Variants in DNAH9 observed in about 807,000 individuals in gnomAD.
DNAH9 encodes dynein axonemal heavy chain 9.
In DNAH9, 345 loss-of-function variants were observed where a neutral mutation model predicts 471.6. The observed-to-expected ratio is 0.73, with a 90% CI of 0.67 to 0.80. The LOEUF is 0.80. Among genes scored for constraint, DNAH9 ranks in the 30% least tolerant of loss-of-function variants. The probability of loss-of-function intolerance (pLI) is 0.00; values close to 1 mark genes in which losing one functional copy is unlikely to be tolerated. For synonymous variants in DNAH9, 2,093 were observed against 2,123.6 expected (o/e 0.99, Z 0.40); for missense variants, 5,407 against 5,609.2 (o/e 0.96, Z 1.15).
chr17:11,669,681 G>A lies in DNAH9; in HGVS notation c.3240G>A (p.Val1080=). The change falls in exon 17 of 69, where the codon GTG becomes GTA. Residue 1080 remains valine, a synonymous_variant. Coordinates refer to ENST00000262442, the MANE Select transcript of DNAH9 (RefSeq NM_001372.4). ...EEVCRLEPIK[V]FDGWMKIDIR... The stretch of plus-strand genomic sequence containing the variant: ...TGTGCAGGCTGGAACCCATCAAGGT[G>A]TTTGACGGCTGGATGAAAATTGATA... 1.2e-6 allele frequency: 2 copies of A among 1,614,128 alleles called. No individual in the cohort carries two copies. The highest frequency in any genetic ancestry group is 1.7e-6 in the Non-Finnish European group (2 of 1,179,996).
intron 61 of DNAH9, among the ~76,000 whole-genome samples, chr17:11,921,194 G>A (rs986461389): frequency 2.0e-5 from 3 of 151,564 alleles, no homozygotes; most frequent in Admixed American, 2.0e-4. Context: ...AGTAAGGTGA[G>A]ATCATGCCAC....
At chr17:11,882,220 G>A (rs748613517) in intron 55 of DNAH9, among the ~76,000 whole-genome samples, 3 of 152,108 alleles carry the variant, frequency 2.0e-5, no homozygotes, top group Non-Finnish European at 2.9e-5. Context: ...TGGAGGCAGC[G>A]GCCTTCTCAC....
At chr17:11,756,386 A>G (rs1967388641) in intron 33 of DNAH9, among the ~76,000 whole-genome samples, 182 bp from the exon 34 acceptor site, 1 of 152,152 alleles carries the variant, frequency 6.6e-6, no homozygotes, top group Non-Finnish European at 1.5e-5. Context: ...CCCTCCCACA[A>G]CACATGGGAA....
intron 19 of DNAH9, among the ~76,000 whole-genome samples, chr17:11,684,583 C>T (rs1389724203): frequency 6.6e-6 from 1 of 152,152 alleles, no homozygotes; most frequent in Non-Finnish European, 1.5e-5. Flanking sequence ...AGAAACGTCA[C>T]CATGACATAT....
intron 1 of DNAH9, among the ~76,000 whole-genome samples, chr17:11,600,721 A>C (rs954643419): frequency 6.6e-6 from 1 of 152,142 alleles, no homozygotes; most frequent in African/African-American, 2.4e-5. Flanking sequence ...GACTCAAGTG[A>C]TCCTCCTGCC....
At chr17:11,803,024 T>C (rs151304271) in intron 43 of DNAH9, among the ~76,000 whole-genome samples, 1 of 152,340 alleles carries the variant, frequency 6.6e-6, no homozygotes, top group East Asian at 1.9e-4. Flanking sequence ...GAAATTAGGA[T>C]ATTAAGAATG....
rs1198976575 is a variant in DNAH9 at position 11,962,699 on chromosome 17, T to C, written c.13233+443T>C. ...ATCTCTGCTGCTGCTGCTGTGTGTC[T>C]GTCGCCCAGGCTGGAGTACAGTGGC... On this transcript the variant is annotated intron_variant, in intron 68 of 68. Coordinates refer to ENST00000262442, the MANE Select transcript of DNAH9 (RefSeq NM_001372.4). The surrounding 1 kb of genome is among the most constrained non-coding windows in gnomAD (Gnocchi z 4.1). Among the ~76,000 whole-genome samples the C allele has an allele frequency of 6.6e-6, 1 of 151,620 alleles. No individual in the cohort carries two copies. Among genetic ancestry groups the C allele is most frequent in the Non-Finnish European group, 1.5e-5 (1 of 68,040 alleles).
chr17:11,821,717 A>G (rs927242954), intron 45 of DNAH9, among the ~76,000 whole-genome samples: 12 of 152,152 alleles, frequency 7.9e-5, no homozygotes, highest in Admixed American at 3.3e-4. Context: ...GGTACCCTAC[A>G]CTCTGTTCCA....
Position 11,598,900 on chromosome 17 carries a change from C to T in DNAH9, c.402C>T (p.Ala134=). 4 of 1,529,530 alleles carry T rather than the reference C, an allele frequency of 2.6e-6. No homozygotes were observed. Among genetic ancestry groups the T allele is most frequent in the Non-Finnish European group, 1.7e-6 (2 of 1,144,308 alleles). 94.7% of individuals were successfully genotyped at this position (1,529,530 alleles called of 1,614,324 possible). ...CCGCGGCACCTCTGGAGCACCTAGC[C>T]GCGCTGTTCTCGGAGGTGAGGGTGG... ...DLPAAPLEHL[A]ALFSEVVLPV... is the part of the protein sequence containing the mutation. The change falls in exon 1 of 69, where the codon GCC becomes GCT. Residue 134 remains alanine, a synonymous_variant. Coordinates refer to ENST00000262442, the MANE Select transcript of DNAH9 (RefSeq NM_001372.4).
At chr17:11,787,479 G>T (rs1200913484) in intron 41 of DNAH9, among the ~76,000 whole-genome samples, 1 of 152,204 alleles carries the variant, frequency 6.6e-6, no homozygotes, top group Non-Finnish European at 1.5e-5. Context: ...TCTGACCAAA[G>T]GCCTGATTGA....
intron 38 of DNAH9, among the ~76,000 whole-genome samples, chr17:11,770,737 C>T (rs187131546): frequency 1.3e-5 from 2 of 152,344 alleles, no homozygotes; most frequent in Admixed American, 1.3e-4. Flanking sequence ...CTGAAGGAAT[C>T]GTTCTTCCAT....
At chr17:11,602,109 A>ATT (rs367956951) in intron 1 of DNAH9, among the ~76,000 whole-genome samples, 6,676 of 150,124 alleles carry the variant, frequency 0.044, 190 homozygotes, top group Middle Eastern at 0.12. Context: ...TGAAACTTGG[A>ATT]TTTTTTTTTT....
intron 22 of DNAH9, among the ~76,000 whole-genome samples, chr17:11,698,488 A>T (rs527639477): frequency 6.6e-6 from 1 of 150,486 alleles, no homozygotes; most frequent in Non-Finnish European, 1.5e-5. Context: ...TGTTATTTTT[A>T]ATTTGCATTT....
Position 11,640,391 on chromosome 17 carries a change from A to C in DNAH9, c.1901+7A>C. On this transcript the variant is annotated splice_region_variant and intron_variant, in intron 10 of 68. Coordinates refer to ENST00000262442, the MANE Select transcript of DNAH9 (RefSeq NM_001372.4). ...TTGGACGCATCACACACCCGTGAGT[A>C]TTGTGTTCCTGAAAGACAGGCTTGT... 6.4e-7 allele frequency: 1 copy of C among 1,574,074 alleles called. No homozygotes were observed.
intron 17 of DNAH9, among the ~76,000 whole-genome samples, chr17:11,671,363 T>C (rs945845714): frequency 1.3e-5 from 2 of 152,090 alleles, no homozygotes; most frequent in African/African-American, 4.8e-5. Context: ...GTGTATGGCA[T>C]ACAGGGCCAC....
At chr17:11,751,028 G>A (rs1014912338) in intron 32 of DNAH9, among the ~76,000 whole-genome samples, 3 of 151,952 alleles carry the variant, frequency 2.0e-5, no homozygotes, top group South Asian at 4.1e-4. Context: ...GGAAAAAAGA[G>A]TAAATATACA....
At chr17:11,807,692 G>T (rs775289358) in intron 43 of DNAH9, 40 bp from the exon 44 acceptor site, 9 of 1,573,656 alleles carry the variant, frequency 5.7e-6, no homozygotes, top group Non-Finnish European at 7.8e-6. Flanking sequence ...ACTGCAGAAA[G>T]TCTGATCAAA....
At chr17:11,772,283 A>G (rs187493521) in intron 38 of DNAH9, among the ~76,000 whole-genome samples, 1 of 152,160 alleles carries the variant, frequency 6.6e-6, no homozygotes, top group African/African-American at 2.4e-5. Flanking sequence ...AAACAGAAAA[A>G]GTGATTTAAT....
At chr17:11,687,120 A>C (rs968295678) in intron 19 of DNAH9, among the ~76,000 whole-genome samples, 4 of 151,966 alleles carry the variant, frequency 2.6e-5, no homozygotes, top group Non-Finnish European at 5.9e-5. Flanking sequence ...CTCTCTCTAT[A>C]TATATGTAGA....
Sources: gnomAD v4.1 joint callset for allele counts (sites outside exome capture counted in the v4.1 genomes callset) on GRCh38, gnomAD v4.1.1 for gene constraint, Gnocchi (gnomAD v3.1) non-coding constraint, MANE v1.5 for transcripts, NCBI Gene and HGNC (gene_info 2026-07-23, HGNC 2026-07-21) for gene names.